ZFHX3: variants seen among roughly 807,000 people sequenced by gnomAD.
ZFHX3 encodes the protein zinc finger homeobox protein 3.
Under a neutral mutation model 279.1 loss-of-function variants are expected in ZFHX3, and 42 were observed. The observed-to-expected ratio is 0.15, with a 90% CI of 0.12 to 0.19. The LOEUF (loss-of-function observed/expected upper bound fraction) is 0.19. ZFHX3 is among the 10% of genes least tolerant of loss of function. ZFHX3 has a pLI of 1.00. For missense variants in ZFHX3, 4,981 were observed against 4,754.0 expected, an observed-to-expected ratio of 1.05 and a Z score of -1.40; for synonymous variants, 2,293 against 1,957.8, an observed-to-expected ratio of 1.17 and a Z score of -4.52.
intron 1 of ZFHX3, among the ~76,000 whole-genome samples, chr16:72,984,271 AC>A (rs1285967396): frequency 6.6e-6 from 1 of 152,160 alleles, no homozygotes; most frequent in Non-Finnish European, 1.5e-5. Context: ...TAGTCTATCT[AC>A]TGCCTCTTCC....
At chr16:73,235,954 A>G (rs1167822398) in intron 5 of ZFHX3, among the ~76,000 whole-genome samples, 1 of 152,234 alleles carries the variant, frequency 6.6e-6, no homozygotes, top group East Asian at 1.9e-4. Flanking sequence ...TATAGGCGTG[A>G]GCCATTGCAC....
At chr16:73,789,582 A>C (rs1365578472) in intron 1 of ZFHX3, among the ~76,000 whole-genome samples, 38 of 152,240 alleles carry the variant, frequency 2.5e-4, no homozygotes, top group Admixed American at 2.5e-3. Context: ...AAGGAATTGC[A>C]AATATTATTA....
At chr16:73,587,062 C>T (rs138509469) in intron 2 of ZFHX3, among the ~76,000 whole-genome samples, 2 of 152,168 alleles carry the variant, frequency 1.3e-5, no homozygotes, top group East Asian at 1.9e-4. Flanking sequence ...ATTTTGGAGA[C>T]GGCTCTGTGA....
At chr16:73,204,566 C>G (rs1376683326) in intron 5 of ZFHX3, among the ~76,000 whole-genome samples, 1 of 152,168 alleles carries the variant, frequency 6.6e-6, no homozygotes, top group African/African-American at 2.4e-5. Context: ...GCTGTAAATA[C>G]AGATGAAGCT....
intron 1 of ZFHX3, among the ~76,000 whole-genome samples, chr16:72,999,714 C>A (rs143312370): frequency 1.2e-4 from 18 of 152,188 alleles, no homozygotes; most frequent in African/African-American, 4.3e-4. Context: ...TCGATGCCAG[C>A]GTGGGCAGGG....
At chr16:73,871,606 C>T (rs899364938) in intron 1 of ZFHX3, among the ~76,000 whole-genome samples, 2 of 151,978 alleles carry the variant, frequency 1.3e-5, no homozygotes, top group Non-Finnish European at 2.9e-5. Flanking sequence ...CCATAATTTG[C>T]TAATGGTGAA....
intron 1 of ZFHX3, among the ~76,000 whole-genome samples, chr16:73,724,262 A>G (rs1161627291): frequency 3.3e-5 from 5 of 152,258 alleles, no homozygotes; most frequent in Admixed American, 3.3e-4. Context: ...TAAAACCTTT[A>G]CTAGTCTCAG....
At chr16:73,302,400 G>A (rs1277725772) in intron 4 of ZFHX3, among the ~76,000 whole-genome samples, 2 of 152,134 alleles carry the variant, frequency 1.3e-5, no homozygotes, top group Non-Finnish European at 2.9e-5. Context: ...ATTGCCCCCA[G>A]AGCCCACTGG....
At chr16:73,629,300 C>T (rs571712858) in intron 2 of ZFHX3, among the ~76,000 whole-genome samples, 22 of 152,174 alleles carry the variant, frequency 1.4e-4, no homozygotes, top group Non-Finnish European at 2.6e-4. Flanking sequence ...GATTGCCCAG[C>T]CTTTTGTTCA....
At chr16:72,860,708 G>A (rs1017181333) in intron 4 of ZFHX3, among the ~76,000 whole-genome samples, 1 of 152,166 alleles carries the variant, frequency 6.6e-6, no homozygotes, top group Non-Finnish European at 1.5e-5. Context: ...GGGATTACAG[G>A]TGTCAGCTAC....
At chr16:73,608,190 T>C (rs1336236212) in intron 2 of ZFHX3, among the ~76,000 whole-genome samples, 1 of 152,154 alleles carries the variant, frequency 6.6e-6, no homozygotes, top group African/African-American at 2.4e-5. Flanking sequence ...TGTGTGGAAA[T>C]TGGCTTTAAG....
At chr16:73,636,695 A>G (rs2052530005) in intron 2 of ZFHX3, among the ~76,000 whole-genome samples, 1 of 152,228 alleles carries the variant, frequency 6.6e-6, no homozygotes, top group South Asian at 2.1e-4. Context: ...AAAATGTATT[A>G]AATGTGTTTC....
At chr16:73,781,350 G>A (rs1959466649) in intron 1 of ZFHX3, among the ~76,000 whole-genome samples, 1 of 152,188 alleles carries the variant, frequency 6.6e-6, no homozygotes, top group South Asian at 2.1e-4. Flanking sequence ...CTGATCATTT[G>A]TGTTTTTAAC....
chr16:72,865,253 G>C (rs1011138348), intron 4 of ZFHX3, among the ~76,000 whole-genome samples: 1 of 152,248 alleles, frequency 6.6e-6, no homozygotes, highest in Non-Finnish European at 1.5e-5. Context: ...ACTCAGTTGA[G>C]AACCAGGTAA....
chr16:73,841,718 C>T (rs761812193), intron 1 of ZFHX3, among the ~76,000 whole-genome samples: 5 of 152,070 alleles, frequency 3.3e-5, no homozygotes, highest in Admixed American at 6.6e-5. Flanking sequence ...AAAGTTTCAC[C>T]CCGAAGAGAA....
chr16:73,446,497 T>C (rs999331837), intron 3 of ZFHX3, among the ~76,000 whole-genome samples: 2 of 152,192 alleles, frequency 1.3e-5, no homozygotes, highest in African/African-American at 4.8e-5. Context: ...ACCTCCCCAG[T>C]GATCTAATCA....
chr16:73,778,967 GAA>G (rs1404596014), intron 1 of ZFHX3, among the ~76,000 whole-genome samples: 1 of 152,192 alleles, frequency 6.6e-6, no homozygotes, highest in African/African-American at 2.4e-5. Context: ...TAGAAAATGA[GAA>G]AAGCTAAAAC....
chr16:73,800,613 C>T (rs1960117723), intron 1 of ZFHX3, among the ~76,000 whole-genome samples: 1 of 152,142 alleles, frequency 6.6e-6, no homozygotes, highest in Non-Finnish European at 1.5e-5. Flanking sequence ...AAATTCTACT[C>T]TTGCCAGTTA....
chr16:72,909,291 C>T (rs1022000801), intron 3 of ZFHX3, among the ~76,000 whole-genome samples: 5 of 152,014 alleles, frequency 3.3e-5, no homozygotes, highest in Admixed American at 6.6e-5. Context: ...TTTTAAGGCC[C>T]GTACCATCTC....
Sources: gnomAD v4.1 joint callset for allele counts (sites outside exome capture counted in the v4.1 genomes callset) on GRCh38, gnomAD v4.1.1 for gene constraint, MANE v1.5 for transcripts, NCBI Gene and HGNC (gene_info 2026-07-23, HGNC 2026-07-21) for gene names.